PHLDB1: variants seen among roughly 807,000 people sequenced by gnomAD.
PHLDB1 encodes pleckstrin homology like domain family B member 1.
In PHLDB1, 65 loss-of-function variants were observed where a neutral mutation model predicts 139.3. That is an observed-to-expected ratio of 0.47 (90% CI 0.38 to 0.57). The LOEUF is 0.57. Ranked by LOEUF, PHLDB1 falls within the 20% of genes least tolerant of loss-of-function variation. PHLDB1 has a pLI of 0.00. For missense variants in PHLDB1, 1,624 were observed against 1,839.7 expected, an observed-to-expected ratio of 0.88 and a Z score of 2.14; for synonymous variants, 679 against 734.5, an observed-to-expected ratio of 0.92 and a Z score of 1.22.
rs782648858 is a variant in PHLDB1 at position 118,632,060 on chromosome 11, C to T, written c.2241+7C>T. On this transcript the variant is annotated splice_region_variant and intron_variant, in intron 8 of 22. Transcript: ENST00000600882. This position sits in a 1 kb window ranked among gnomAD's most constrained non-coding sequence, Gnocchi z 5.9. ...GCAGGAGTCAGCCCGAGAGGTGAGC[C>T]GTGAAGTCCCTAGCTGGACTCTTCC... 7 of 1,613,614 alleles carry T rather than the reference C, an allele frequency of 4.3e-6. No individual in the cohort carries two copies. Among genetic ancestry groups the T allele is most frequent in the Admixed American group, 3.3e-5 (2 of 60,000 alleles).
At position 118,610,653 on chromosome 11, in the gene PHLDB1, G is replaced by A. The variant is rs1939994580; in HGVS notation, c.-22+2954G>A. ...GGGACTCCGTGGGAGCCCGGGAGCT[G>A]TGTCAGTGCCCGTTGGTGCTGGAGC... On this transcript the variant is annotated intron_variant, in intron 1 of 22. Transcript: ENST00000600882. This position sits in a 1 kb window ranked among gnomAD's most constrained non-coding sequence, Gnocchi z 8.7. 1.1e-5 allele frequency: 2 copies of A among 186,556 alleles called. No individual in the cohort carries two copies. The highest frequency in any genetic ancestry group is 3.6e-4 in the South Asian group (2 of 5,508). The allele number at this position is 186,556 out of a possible 1,614,324, so 11.6% of individuals were successfully genotyped here. A position where few individuals can be genotyped will look rare whatever the true frequency, so the allele number is the denominator to read the frequency against.
At chr11:118,614,491 T>A in intron 2 of PHLDB1, 68 bp from the exon 3 acceptor site, 2 of 1,572,744 alleles carry the variant, frequency 1.3e-6, no homozygotes, top group South Asian at 2.3e-5. Context: ...AGAGTGCTGG[T>A]GTGACTGGTT....
intron 13 of PHLDB1, chr11:118,643,477 C>G (rs1555123185): frequency 1.0e-6 from 1 of 982,548 alleles, no homozygotes; most frequent in African/African-American, 1.7e-5. Context: ...AGAGCTAGGA[C>G]CAGAGGGAAC....
At position 118,638,903 on chromosome 11, in the gene PHLDB1, A is replaced by AC; in HGVS notation, c.2548_2549insC (p.Ile850ThrfsTer153). ...CCATCTCCTTTAGGAGCGCCTGGCC[A>AC]TCCTGGACAGTCAGGCTGGGCAGAT... On this transcript the variant is annotated frameshift_variant, in exon 11 of 23. Coordinates refer to ENST00000600882, the MANE Select transcript of PHLDB1 (RefSeq NM_001144758.3). LOFTEE classifies it high-confidence loss of function. 6.8e-6 allele frequency: 11 copies of AC among 1,612,376 alleles called. No homozygotes were observed. The highest frequency in any genetic ancestry group is 9.3e-6 in the Non-Finnish European group (11 of 1,179,220).
intron 12 of PHLDB1, chr11:118,641,771 C>T (rs562320926): frequency 9.3e-6 from 12 of 1,289,404 alleles, no homozygotes; most frequent in East Asian, 5.5e-5. Context: ...GCTTCCATCA[C>T]GCCTTCACCT....
upstream of PHLDB1, chr11:118,606,634 C>T (rs1939313305): frequency 6.6e-6 from 1 of 152,298 alleles, no homozygotes; most frequent in South Asian, 2.1e-4. Context: ...CCTAGGGCCT[C>T]CCCAGCCAGT....
In PHLDB1 at chr11:118,631,854, C is replaced by G; in HGVS notation, c.2101-59C>G. The G allele has an allele frequency of 4.6e-6, 7 of 1,532,570 alleles. 1 individual carries two copies. The Middle Eastern group carries it at 1.2e-3, about 269-fold the overall frequency. The allele number at this position is 1,532,570 out of a possible 1,614,324, so 94.9% of individuals were successfully genotyped here. Reference sequence around the variant, plus strand: ...CCTGGAGGAACAGGTGATCCATTTTCTTAGTCTGATTCCAAAAGGCTCTAG... The same window carrying G: ...CCTGGAGGAACAGGTGATCCATTTTGTTAGTCTGATTCCAAAAGGCTCTAG... On this transcript the variant is annotated intron_variant, in intron 7 of 22. Coordinates refer to ENST00000600882, the MANE Select transcript of PHLDB1 (RefSeq NM_001144758.3).
intron 18 of PHLDB1, among the ~76,000 whole-genome samples, chr11:118,649,825 G>T (rs1166928601): frequency 6.6e-6 from 1 of 152,180 alleles, no homozygotes; most frequent in Non-Finnish European, 1.5e-5. Flanking sequence ...AGACAAAGAT[G>T]CCGTGTCTTG....
Position 118,657,802 on chromosome 11 carries a change from G to GTC in PHLDB1, c.*979_*980insTC. On this transcript the variant is annotated 3_prime_UTR_variant, in exon 23 of 23. Transcript: ENST00000600882. ...AGGAGATGATGCAGCAGAGGGGAAG[G>GTC]GCCCTGTGGTGCCGCCGCCCTTCCT... is the stretch of plus-strand genomic sequence containing the variant. 2.5e-5 allele frequency: 4 copies of GTC among 160,936 alleles called. No homozygotes were observed. The highest frequency in any genetic ancestry group is 1.8e-4 in the South Asian group (1 of 5,524). The allele number at this position is 160,936 out of a possible 1,614,324, so 10.0% of individuals were successfully genotyped here.
At chr11:118,644,717 T>A (rs1555125350) in intron 15 of PHLDB1, 1 of 1,284,042 alleles carries the variant, frequency 7.8e-7, no homozygotes, top group South Asian at 1.2e-5. Context: ...TAGAGGGCAT[T>A]GCTTTGGCCA....
chr11:118,628,614 C>T lies in PHLDB1; in HGVS notation c.1791C>T (p.Arg597=), dbSNP rs1342608057. 6.2e-7 allele frequency: 1 copy of T among 1,611,500 alleles called. No homozygotes were observed. The highest frequency in any genetic ancestry group is 1.7e-5 in the Admixed American group (1 of 59,712). ...TCCTGGAGTACCACCGGCGACAGCG[C>T]CAAGAGCGGCTCCGGGAGCAGGAGA... ...DDLLEYHRRQ[R]QERLREQEME... is the part of the protein sequence containing the mutation. Residue 597 remains arginine, a synonymous_variant, in exon 6 of 23, where the codon CGC becomes CGT. Transcript: ENST00000600882.
At position 118,631,898 on chromosome 11, in the gene PHLDB1, T is replaced by C. The variant is rs782740717; in HGVS notation, c.2101-15T>C. ...GCTCTAGGCTTCCTCAGTTGATAGC[T>C]TCCCTCCCCTCCAGCACGAAGATGC... On this transcript the variant is annotated splice_polypyrimidine_tract_variant and intron_variant, in intron 7 of 22. Transcript: ENST00000600882. 1.9e-6 allele frequency: 3 copies of C among 1,597,932 alleles called. No individual in the cohort carries two copies. The South Asian group carries it at 3.4e-5, about 18-fold the overall frequency.
intron 2 of PHLDB1, 92 bp downstream of exon 2, chr11:118,613,988 G>C: frequency 1.2e-6 from 1 of 804,106 alleles, no homozygotes; most frequent in East Asian, 2.7e-5. Flanking sequence ...AAGGATGAAA[G>C]GAGCAATTCT....
intron 9 of PHLDB1, 29 bp from the exon 10 acceptor site, chr11:118,635,364 C>T (rs1364330267): frequency 6.4e-7 from 1 of 1,552,586 alleles, no homozygotes; most frequent in Non-Finnish European, 8.7e-7. Flanking sequence ...GCAAGCACCA[C>T]CCAACCCCCT....
intron 3 of PHLDB1, 44 bp from the exon 4 acceptor site, chr11:118,615,997 C>T (rs782235522): frequency 1.3e-6 from 2 of 1,551,336 alleles, no homozygotes; most frequent in Non-Finnish European, 8.8e-7. Context: ...ACTGCCTCCT[C>T]AGCCTGGACA....
chr11:118,634,538 G>C (rs1195472409), intron 9 of PHLDB1: 1 of 155,102 alleles, frequency 6.4e-6, no homozygotes, highest in Non-Finnish European at 1.4e-5. Context: ...GCCTTTTCTC[G>C]AGACCTACCC....
intron 12 of PHLDB1, chr11:118,641,998 A>C (rs912380832): frequency 8.3e-6 from 5 of 600,732 alleles, no homozygotes; most frequent in African/African-American, 3.7e-5. Context: ...CCCTTAGTAC[A>C]TTCAGGGCAA....
At chr11:118,629,018 G>T (rs975585065) in intron 6 of PHLDB1, among the ~76,000 whole-genome samples, 43 of 152,250 alleles carry the variant, frequency 2.8e-4, no homozygotes, top group Non-Finnish European at 8.8e-5. Context: ...TGGTGATCAT[G>T]AGTAGGCTGA....
intron 5 of PHLDB1, chr11:118,626,985 T>G: frequency 8.5e-6 from 3 of 354,158 alleles, no homozygotes; most frequent in South Asian, 3.0e-5. Flanking sequence ...GGATATAGGA[T>G]ATAGATTGGA....
Sources: allele counts gnomAD v4.1 joint callset (sites outside exome capture counted in the v4.1 genomes callset), GRCh38; gene constraint gnomAD v4.1.1; non-coding constraint Gnocchi (gnomAD v3.1); transcripts MANE v1.5; gene names NCBI Gene and HGNC (gene_info 2026-07-23, HGNC 2026-07-21).